Variants in AGBL1 observed in about 807,000 individuals in gnomAD.
AGBL1 encodes the protein cytosolic carboxypeptidase 4.
Under a neutral mutation model 118.9 loss-of-function variants are expected in AGBL1, and 130 were observed. That is an observed-to-expected ratio of 1.09 (90% CI 0.95 to 1.26). The LOEUF is 1.26. AGBL1 is among the 50% of genes most tolerant of loss of function. AGBL1 has a pLI of 0.00. For missense variants in AGBL1, 1,584 were observed against 1,298.1 expected (o/e 1.22, Z -3.38); for synonymous variants, 555 against 478.9 (o/e 1.16, Z -2.08).
chr15:86,602,310 G>A (rs60238690), intron 21 of AGBL1, among the ~76,000 whole-genome samples: 2,075 of 152,176 alleles, frequency 0.014, 48 homozygotes, highest in African/African-American at 0.043. Flanking sequence ...TGATTATTAC[G>A]TGAAGTGCTC....
intron 22 of AGBL1, among the ~76,000 whole-genome samples, chr15:86,742,378 A>G (rs1488327068): frequency 6.6e-6 from 1 of 152,174 alleles, no homozygotes; most frequent in Non-Finnish European, 1.5e-5. Context: ...TATATGACAG[A>G]AGTGACTAAA....
chr15:86,706,425 T>C (rs1223312695), intron 22 of AGBL1, among the ~76,000 whole-genome samples: 3 of 152,128 alleles, frequency 2.0e-5, no homozygotes, highest in South Asian at 2.1e-4. Context: ...TGGGGATAAA[T>C]TTGAAATGCC....
intron 5 of AGBL1, among the ~76,000 whole-genome samples, chr15:86,186,539 G>A (rs903124247): frequency 3.3e-5 from 5 of 152,312 alleles, no homozygotes; most frequent in African/African-American, 1.2e-4. Flanking sequence ...CATTTCAAGT[G>A]TAGTGTTAAA....
intron 9 of AGBL1, among the ~76,000 whole-genome samples, chr15:86,258,470 T>G (rs2078932544): frequency 6.6e-6 from 1 of 152,280 alleles, no homozygotes; most frequent in African/African-American, 2.4e-5. Context: ...CTGTGAATTG[T>G]TTTCCCTTAA....
Position 86,522,906 on chromosome 15 carries a change from C to T in AGBL1, c.2652C>T (p.Leu884=), listed in dbSNP as rs545197071. 1 of 1,613,884 alleles carries T rather than the reference C, an allele frequency of 6.2e-7. No homozygotes were observed. Among genetic ancestry groups the T allele is most frequent in the Non-Finnish European group, 8.5e-7 (1 of 1,179,880 alleles). The change falls in exon 19 of 23, where the codon CTC becomes CTT. Residue 884 remains leucine (L), a synonymous_variant. Coordinates refer to ENST00000614907, the MANE Select transcript of AGBL1 (RefSeq NM_001386094.1). ...QPTIYHAKGL[L]YHLSSIGRSP... ...CCATTTACCATGCCAAAGGCCTCCT[C>T]TACCACCTGAGCAGCATTGGCCGAA...
chr15:86,120,319 T>C (rs1444304), intron 1 of AGBL1, among the ~76,000 whole-genome samples: 6,446 of 152,314 alleles, frequency 0.042, 188 homozygotes, highest in Non-Finnish European at 0.066. Context: ...TTGCTCTTAA[T>C]GCAAAGCTAA....
chr15:87,001,658 T>A (rs989803664), intron 24 of AGBL1, among the ~76,000 whole-genome samples: 26 of 152,108 alleles, frequency 1.7e-4, no homozygotes, highest in Non-Finnish European at 3.1e-4. Flanking sequence ...CCTGACTTTT[T>A]AATGATCGCC....
At chr15:86,700,073 T>C (rs1289001613) in intron 22 of AGBL1, among the ~76,000 whole-genome samples, 1 of 152,062 alleles carries the variant, frequency 6.6e-6, no homozygotes, top group African/African-American at 2.4e-5. Flanking sequence ...TGTATTTATT[T>C]AGGTATATAT....
chr15:86,964,166 A>T (rs181632586), intron 23 of AGBL1, among the ~76,000 whole-genome samples: 26 of 152,044 alleles, frequency 1.7e-4, no homozygotes, highest in Middle Eastern at 6.8e-3. Context: ...TGCTGGAATT[A>T]GGGACCAAAC....
At chr15:86,657,391 G>A (rs1248469600) in intron 21 of AGBL1, among the ~76,000 whole-genome samples, 4 of 152,164 alleles carry the variant, frequency 2.6e-5, no homozygotes, top group African/African-American at 4.8e-5. Context: ...TGGCATTAGT[G>A]GGAAATCAGA....
At chr15:86,373,756 G>A (rs902643323) in intron 17 of AGBL1, among the ~76,000 whole-genome samples, 1 of 152,138 alleles carries the variant, frequency 6.6e-6, no homozygotes. Context: ...TCTCACATTC[G>A]GTCTGGGTTC....
intron 22 of AGBL1, among the ~76,000 whole-genome samples, chr15:86,830,560 T>A (rs545605888): frequency 6.6e-6 from 1 of 152,216 alleles, no homozygotes; most frequent in Non-Finnish European, 1.5e-5. Flanking sequence ...GTGGTAAAGA[T>A]GAAGGCTACA....
chr15:86,539,594 C>T (rs2083467742), intron 19 of AGBL1, among the ~76,000 whole-genome samples: 2 of 152,210 alleles, frequency 1.3e-5, no homozygotes, highest in South Asian at 4.1e-4. Flanking sequence ...TGACCACTGC[C>T]CACTTCTATA....
At chr15:86,168,515 A>G (rs780651569) in intron 5 of AGBL1, among the ~76,000 whole-genome samples, 11 of 152,342 alleles carry the variant, frequency 7.2e-5, no homozygotes, top group Admixed American at 1.3e-4. Flanking sequence ...TTTATGTGCA[A>G]AAATATCAAT....
At chr15:86,122,422 C>T (rs1163516689) in intron 1 of AGBL1, among the ~76,000 whole-genome samples, 3 of 152,120 alleles carry the variant, frequency 2.0e-5, no homozygotes, top group African/African-American at 4.8e-5. Flanking sequence ...CAAGTGTGGG[C>T]TAGACATAGT....
intron 22 of AGBL1, among the ~76,000 whole-genome samples, chr15:86,904,234 A>G (rs1458964203): frequency 1.3e-5 from 2 of 152,152 alleles, no homozygotes; most frequent in Non-Finnish European, 2.9e-5. Flanking sequence ...GTGAGGCCCA[A>G]AGGAAACCCA....
chr15:86,263,503 G>A (rs1362771994), intron 10 of AGBL1, among the ~76,000 whole-genome samples: 1 of 152,198 alleles, frequency 6.6e-6, no homozygotes, highest in Non-Finnish European at 1.5e-5. Flanking sequence ...CCTATTGTCT[G>A]GTGGGCAGGG....
chr15:86,533,268 A>T (rs1191922066), intron 19 of AGBL1, among the ~76,000 whole-genome samples: 2 of 107,744 alleles, frequency 1.9e-5, no homozygotes, highest in Non-Finnish European at 3.7e-5. Flanking sequence ...TTTACAAGAA[A>T]AAAACAAACA....
chr15:86,684,371 T>A (rs181976983), intron 22 of AGBL1, among the ~76,000 whole-genome samples: 2 of 152,152 alleles, frequency 1.3e-5, no homozygotes, highest in East Asian at 3.9e-4. Flanking sequence ...TACATTCTAC[T>A]GTACCCAAGA....
Sources: gnomAD v4.1 joint callset for allele counts (sites outside exome capture counted in the v4.1 genomes callset) on GRCh38, gnomAD v4.1.1 for gene constraint, MANE v1.5 for transcripts, NCBI Gene and HGNC (gene_info 2026-07-23, HGNC 2026-07-21) for gene names.